FUZ: variants seen among roughly 807,000 people sequenced by gnomAD.
FUZ encodes the protein fuzzy planar cell polarity protein.
Under a neutral mutation model 43.1 loss-of-function variants are expected in FUZ, and 31 were observed. The ratio of observed to expected loss-of-function variants is 0.72; its 90% confidence interval spans 0.54 to 0.97. The LOEUF is 0.97. FUZ is among the 50% of genes least tolerant of loss of function. The probability of loss-of-function intolerance (pLI) is 0.00; values close to 1 mark genes in which losing one functional copy is unlikely to be tolerated. For synonymous variants in FUZ, 274 were observed against 250.0 expected (o/e 1.10, Z -0.91); for missense variants, 539 against 543.8 (o/e 0.99, Z 0.09).
At chr19:49,812,574 C>T in intron 2 of FUZ, 41 bp downstream of exon 2, 1 of 1,613,328 alleles carries the variant, frequency 6.2e-7, no homozygotes, top group Non-Finnish European at 8.5e-7. Context: ...CAGGGACTAT[C>T]ACCCAGGCCC....
intron 2 of FUZ, 33 bp from the exon 3 acceptor site, chr19:49,812,368 G>A: frequency 1.3e-6 from 2 of 1,581,776 alleles, no homozygotes; most frequent in Non-Finnish European, 8.7e-7. Flanking sequence ...ATGAGTCAAG[G>A]CCTGGGGAAT....
Position 49,808,755 on chromosome 19 carries a change from C to T in FUZ, c.855G>A (p.Ala285=). The change falls in exon 8 of 11, where the codon GCG becomes GCA. Residue 285 remains alanine, a synonymous_variant. Transcript: ENST00000313777. Reference sequence around the variant, plus strand: ...TGTGAAGGGGGAAGCCACTGGGCAGCGCCCGGGGTCCCAACGGCAGACAGG... The same window carrying T: ...TGTGAAGGGGGAAGCCACTGGGCAGTGCCCGGGGTCCCAACGGCAGACAGG... ...LRACLPLGPR[A]LPSGFPLHTD... 1.9e-6 allele frequency: 3 copies of T among 1,578,330 alleles called. No homozygotes were observed. Among genetic ancestry groups the T allele is most frequent in the Non-Finnish European group, 2.6e-6 (3 of 1,161,900 alleles).
rs1177779311 is a variant in FUZ at position 49,813,029 on chromosome 19, C to G, written c.78G>C (p.Arg26Ser). 12 of 1,551,148 alleles carry G rather than the reference C, an allele frequency of 7.7e-6. No individual in the cohort carries two copies. The highest frequency in any genetic ancestry group is 1.0e-5 in the Non-Finnish European group (12 of 1,146,988). ...AASSGVPLFCRSSRGGAPARQ... is the reference protein window; with the variant it reads ...AASSGVPLFCSSSRGGAPARQ... Reference sequence around the variant, plus strand: ...GGGCGGGGGCGCCGCCGCGACTGCTCCTGCAGAATAGGGGGACCCCGCTGG... The same window carrying G: ...GGGCGGGGGCGCCGCCGCGACTGCTGCTGCAGAATAGGGGGACCCCGCTGG... The change falls in exon 1 of 11, where the codon AGG becomes AGC. Residue 26 changes from arginine (R) to serine (S), a missense_variant. Transcript: ENST00000313777.
At chr19:49,808,865 G>T in intron 7 of FUZ, 42 bp from the exon 8 acceptor site, 1 of 1,467,238 alleles carries the variant, frequency 6.8e-7, no homozygotes, top group Non-Finnish European at 9.2e-7. Flanking sequence ...ATGGGAAGGC[G>T]GGGCCGGCGG....
At chr19:49,812,204 A>T in intron 3 of FUZ, 47 bp downstream of exon 3, 6 of 1,361,118 alleles carry the variant, frequency 4.4e-6, no homozygotes, top group Non-Finnish European at 6.3e-6. Context: ...GGATGCTGAG[A>T]TCTCAGATTC....
Position 49,812,715 on chromosome 19 carries a change from A to G in FUZ, c.133T>C (p.Ser45Pro). The G allele has an allele frequency of 6.2e-7, 1 of 1,614,028 alleles. No individual in the cohort carries two copies. Among genetic ancestry groups the G allele is most frequent in the Non-Finnish European group, 8.5e-7 (1 of 1,179,994 alleles). Residue 45 changes from serine (S) to proline (P), a missense_variant, in exon 2 of 11, where the codon TCC becomes CCC. Physicochemically the swap from Ser to Pro is moderately conservative, Grantham distance 74. Transcript: ENST00000313777. ...CCAAACATGTGGACTCCATTGAGGGAACCGATGACAGAGAACGGGAGCTAA... is the reference window on the plus strand; with the variant it reads ...CCAAACATGTGGACTCCATTGAGGGGACCGATGACAGAGAACGGGAGCTAA... The part of the protein sequence containing the change: ...RQQLPFSVIG[S>P]LNGVHMFGQN...
Position 49,807,053 on chromosome 19 carries a change from T to C in FUZ, c.*98A>G, listed in dbSNP as rs774313660. On this transcript the variant is annotated 3_prime_UTR_variant, in exon 11 of 11. Transcript: ENST00000313777. Reference sequence around the variant, plus strand: ...CACCCCACCCTGTTGTAGCCCCTCCTACCCCCTCCCCATCCAGGGGCTGTG... The same window carrying C: ...CACCCCACCCTGTTGTAGCCCCTCCCACCCCCTCCCCATCCAGGGGCTGTG... 7 of 877,186 alleles carry C rather than the reference T, an allele frequency of 8.0e-6. No homozygotes were observed. Among genetic ancestry groups the C allele is most frequent in the African/African-American group, 2.4e-5 (1 of 41,374 alleles). 54.3% of individuals were successfully genotyped at this position (877,186 alleles called of 1,614,324 possible). A position where few individuals can be genotyped will look rare whatever the true frequency, so the allele number is the denominator to read the frequency against.
chr19:49,811,614 A>G lies in FUZ; in HGVS notation c.387+17T>C, dbSNP rs2073796856. ...CCAGGTATCCTAACTTCCCACCCTC[A>G]TGTCCTGCAACCTCACCCTCAAGTC... On this transcript the variant is annotated intron_variant, in intron 4 of 10. Transcript: ENST00000313777. 6.2e-7 allele frequency: 1 copy of G among 1,613,416 alleles called. No homozygotes were observed. The highest frequency in any genetic ancestry group is 8.5e-7 in the Non-Finnish European group (1 of 1,179,332).
Position 49,809,408 on chromosome 19 carries a change from G to A in FUZ, c.660C>T (p.Tyr220=). The change falls in exon 6 of 11, where the codon TAC becomes TAT. Residue 220 remains tyrosine, a synonymous_variant. Coordinates refer to ENST00000313777, the MANE Select transcript of FUZ (RefSeq NM_025129.5). This position sits in a 1 kb window ranked among gnomAD's most constrained non-coding sequence, Gnocchi z 5.1. The part of the protein sequence containing the change: ...GSLPPQTARD[Y]PVYLPHGSPT... ...GGCTCCCGTGCGGCAGGTACACCGG[G>A]TAGTCGCGAGCGGTCTGCGGCGGCA... 2 of 1,543,536 alleles carry A rather than the reference G, an allele frequency of 1.3e-6. No individual in the cohort carries two copies. The highest frequency in any genetic ancestry group is 2.4e-5 in the East Asian group (1 of 40,920).
Position 49,809,333 on chromosome 19 carries a change from G to A in FUZ, c.690+45C>T. ...CGCAGATCCCGCCTCCTCGCGACTC[G>A]GCCCCCAGGTCACATCCCTCCGTCG... On this transcript the variant is annotated intron_variant, in intron 6 of 10. Coordinates refer to ENST00000313777, the MANE Select transcript of FUZ (RefSeq NM_025129.5). The surrounding 1 kb of genome is among the most constrained non-coding windows in gnomAD (Gnocchi z 5.1). 1.3e-6 allele frequency: 2 copies of A among 1,546,694 alleles called. No individual in the cohort carries two copies. Among genetic ancestry groups the A allele is most frequent in the Non-Finnish European group, 1.7e-6 (2 of 1,146,576 alleles).
At chr19:49,807,490 A>T in intron 10 of FUZ, 116 bp from the exon 11 acceptor site, 1 of 1,095,612 alleles carries the variant, frequency 9.1e-7, no homozygotes. Context: ...AGGTTTTGGG[A>T]GCCTCCTGCC....
chr19:49,807,429 G>T (rs1314181236), intron 10 of FUZ, 55 bp from the exon 11 acceptor site: 11 of 1,510,866 alleles, frequency 7.3e-6, no homozygotes, highest in Non-Finnish European at 9.9e-6. Context: ...ACCTTTGCAA[G>T]CCACACCACA....
intron 7 of FUZ, 21 bp from the exon 8 acceptor site, chr19:49,808,844 G>C: frequency 6.5e-7 from 1 of 1,536,638 alleles, no homozygotes; most frequent in Non-Finnish European, 8.8e-7. Flanking sequence ...CGTGGTCATT[G>C]TGAGGTCGTC....
At chr19:49,811,137 G>A in intron 5 of FUZ, 1 of 600,980 alleles carries the variant, frequency 1.7e-6, no homozygotes, top group South Asian at 1.7e-5. Flanking sequence ...GGCAACAAGA[G>A]TGAAACTACG....
upstream of FUZ, chr19:49,813,306 C>T (rs528559533): frequency 1.5e-4 from 99 of 675,588 alleles, no homozygotes; most frequent in African/African-American, 1.3e-3. Context: ...TCCCCCAAAC[C>T]CATTAGGTTC....
chr19:49,811,826 G>C, intron 3 of FUZ, 127 bp from the exon 4 acceptor site: 3 of 846,204 alleles, frequency 3.5e-6, no homozygotes, highest in Non-Finnish European at 6.1e-6. Flanking sequence ...CCTGGGTTCT[G>C]GCCGGGCGCG....
intron 2 of FUZ, 99 bp from the exon 3 acceptor site, chr19:49,812,434 C>G: frequency 7.5e-7 from 1 of 1,332,422 alleles, no homozygotes. Flanking sequence ...GATACATCCT[C>G]TCTCAGACCA....
intron 3 of FUZ, 41 bp from the exon 4 acceptor site, chr19:49,811,740 A>T: frequency 6.6e-7 from 1 of 1,514,466 alleles, no homozygotes; most frequent in South Asian, 1.1e-5. Context: ...AGGGGCTGGG[A>T]CTTGAACTCC....
At position 49,809,873 on chromosome 19, in the gene FUZ, G is replaced by A. The variant is rs1190069347; in HGVS notation, c.493-298C>T. ...CGTTCATCCAGGCCTGTTACATGCC[G>A]AGTAGGCACCATTAGCAACGTAGAG... On this transcript the variant is annotated intron_variant, in intron 5 of 10. Transcript: ENST00000313777. The surrounding 1 kb of genome is among the most constrained non-coding windows in gnomAD (Gnocchi z 5.1). The A allele has an allele frequency of 1.2e-5, 6 of 504,766 alleles. No individual in the cohort carries two copies. Among genetic ancestry groups the A allele is most frequent in the Non-Finnish European group, 2.2e-5 (6 of 276,322 alleles). 31.3% of individuals were successfully genotyped at this position (504,766 alleles called of 1,614,324 possible).
Sources: allele counts gnomAD v4.1 joint callset, GRCh38; gene constraint gnomAD v4.1.1; non-coding constraint Gnocchi (gnomAD v3.1); transcripts MANE v1.5; gene names NCBI Gene and HGNC (gene_info 2026-07-23, HGNC 2026-07-21).